MACROD2: variants seen among roughly 807,000 people sequenced by gnomAD.
MACROD2 encodes ADP-ribose glycohydrolase MACROD2.
A neutral mutation model predicts 70.4 loss-of-function variants in MACROD2; 36 were observed. That is an observed-to-expected ratio of 0.51 (90% CI 0.39 to 0.68). The LOEUF (loss-of-function observed/expected upper bound fraction) is 0.68, where lower values mean the gene tolerates loss of function less well. MACROD2 is among the 30% of genes least tolerant of loss of function. The pLI is 0.00. For synonymous variants in MACROD2, 172 were observed against 178.8 expected (o/e 0.96, Z 0.30); for missense variants, 496 against 538.4 (o/e 0.92, Z 0.78).
At chr20:15,665,292 C>G (rs2049881496) in intron 8 of MACROD2, among the ~76,000 whole-genome samples, 1 of 152,158 alleles carries the variant, frequency 6.6e-6, no homozygotes, top group Admixed American at 6.5e-5. Flanking sequence ...GTTTTAAAAG[C>G]CTCATCACTA....
intron 4 of MACROD2, among the ~76,000 whole-genome samples, chr20:14,636,813 AAAATAGC>A (rs1302001706): frequency 2.6e-5 from 4 of 151,346 alleles, no homozygotes; most frequent in African/African-American, 9.8e-5. Flanking sequence ...TAGAAAAAAT[AAAATAGC>A]TCCTGCTCTA....
chr20:15,260,368 A>G lies in MACROD2; in HGVS notation c.540+30307A>G, dbSNP rs560150160. On this transcript the variant is annotated intron_variant, in intron 6 of 17. Coordinates refer to ENST00000684519, the MANE Select transcript of MACROD2 (RefSeq NM_001351661.2). The stretch of plus-strand genomic sequence containing the variant: ...ATTTTTTTTTTTTTAGCTCCCACAT[A>G]TAAGTGAGACCATGCAATGTTTTTC... 6.0e-3 allele frequency among the ~76,000 whole-genome samples: 898 copies of G among 150,114 alleles called. 11 individuals carry two copies. Among genetic ancestry groups the G allele is most frequent in the African/African-American group, 0.021 (852 of 40,770 alleles).
chr20:15,724,134 A>G (rs59000635), intron 8 of MACROD2, among the ~76,000 whole-genome samples: 4,748 of 152,242 alleles, frequency 0.031, 255 homozygotes, highest in African/African-American at 0.11. Context: ...TTTTATTATT[A>G]TTGAGTTTCA....
rs532100165 is a variant in MACROD2 at position 15,802,257 on chromosome 20, T to A, written c.646-60488T>A. On this transcript the variant is annotated intron_variant, in intron 8 of 17. Coordinates refer to ENST00000684519, the MANE Select transcript of MACROD2 (RefSeq NM_001351661.2). Reference sequence around the variant, plus strand: ...CTATGTTGAATCAGAGTGGTGAAAGTCATCTTCCTATTGTTCTAGTTATTT... The same window carrying A: ...CTATGTTGAATCAGAGTGGTGAAAGACATCTTCCTATTGTTCTAGTTATTT... 1.6e-4 allele frequency among the ~76,000 whole-genome samples: 24 copies of A among 152,282 alleles called. No individual in the cohort carries two copies. The South Asian group carries it at 3.1e-3, about 20-fold the overall frequency.
intron 3 of MACROD2, among the ~76,000 whole-genome samples, chr20:14,480,384 T>C (rs999199900): frequency 4.6e-5 from 7 of 152,218 alleles, no homozygotes; most frequent in Admixed American, 1.3e-4. Context: ...ATACTTCTTT[T>C]GGTAGACACC....
intron 8 of MACROD2, among the ~76,000 whole-genome samples, chr20:15,551,337 T>TA (rs149415845): frequency 0.033 from 4,687 of 143,356 alleles, 220 homozygotes; most frequent in African/African-American, 0.1. Context: ...ATTTAATATT[T>TA]AAAAAAAAAA....
chr20:14,545,319 A>T (rs2085479972), intron 4 of MACROD2, among the ~76,000 whole-genome samples: 1 of 152,018 alleles, frequency 6.6e-6, no homozygotes, highest in South Asian at 2.1e-4. Flanking sequence ...TGGATCTGGG[A>T]GTCCAGTTTT....
chr20:15,536,186 T>C (rs2146556936), intron 8 of MACROD2, among the ~76,000 whole-genome samples: 1 of 152,296 alleles, frequency 6.6e-6, no homozygotes, highest in African/African-American at 2.4e-5. Context: ...ATTAATATAT[T>C]TGCCCAAGAC....
chr20:14,541,927 G>C (rs928523674), intron 4 of MACROD2, among the ~76,000 whole-genome samples: 1 of 152,086 alleles, frequency 6.6e-6, no homozygotes, highest in African/African-American at 2.4e-5. Flanking sequence ...GTCATCAAAT[G>C]GCATGAAACT....
chr20:14,209,048 TTGAG>T (rs1234636026), intron 3 of MACROD2, among the ~76,000 whole-genome samples: 1 of 152,214 alleles, frequency 6.6e-6, no homozygotes, highest in African/African-American at 2.4e-5. Flanking sequence ...TCTGGAGGAA[TTGAG>T]TAAGGATTAT....
intron 3 of MACROD2, among the ~76,000 whole-genome samples, chr20:14,434,564 T>A (rs929537536): frequency 4.6e-5 from 7 of 152,186 alleles, no homozygotes; most frequent in Non-Finnish European, 1.0e-4. Flanking sequence ...AAGGATGATG[T>A]CAGTCTTGTT....
chr20:15,733,271 C>G (rs2146953521), intron 8 of MACROD2, among the ~76,000 whole-genome samples: 1 of 152,128 alleles, frequency 6.6e-6, no homozygotes, highest in South Asian at 2.1e-4. Context: ...AAAGGCTTAT[C>G]ACTTTTGTTG....
intron 4 of MACROD2, among the ~76,000 whole-genome samples, chr20:14,631,575 C>T (rs1337407312): frequency 6.6e-6 from 1 of 152,116 alleles, no homozygotes; most frequent in Non-Finnish European, 1.5e-5. Context: ...TTGAGACCAT[C>T]CTGGCTAACA....
chr20:14,661,186 G>A (rs147141913), intron 4 of MACROD2, among the ~76,000 whole-genome samples: 1 of 151,872 alleles, frequency 6.6e-6, no homozygotes, highest in East Asian at 1.9e-4. Context: ...TAAGTGTTCT[G>A]TTTTCTCTGC....
At chr20:15,299,589 GTTTAAAGTTGTCTGGACAAAGATT>G (rs2077622929) in intron 6 of MACROD2, among the ~76,000 whole-genome samples, 1 of 152,168 alleles carries the variant, frequency 6.6e-6, no homozygotes, top group Non-Finnish European at 1.5e-5. Flanking sequence ...TATGCATTTT[GTTTAAAGTTGTCTGGACAAAGATT>G]TATGCTTCTG....
intron 5 of MACROD2, among the ~76,000 whole-genome samples, chr20:15,131,396 A>C (rs1295870057): frequency 6.6e-6 from 1 of 152,130 alleles, no homozygotes; most frequent in Non-Finnish European, 1.5e-5. Context: ...TATAAAGATG[A>C]AATTTTTCAG....
At chr20:16,016,794 C>A (rs2066935896) in intron 15 of MACROD2, among the ~76,000 whole-genome samples, 1 of 152,188 alleles carries the variant, frequency 6.6e-6, no homozygotes, top group Non-Finnish European at 1.5e-5. Context: ...TCCTCATCTG[C>A]AATTCTTAGT....
rs1355943356 is a variant in MACROD2 at position 15,384,656 on chromosome 20, G to A, written c.541-46749G>A. Among the ~76,000 whole-genome samples, 3 of 152,038 alleles carry A rather than the reference G, an allele frequency of 2.0e-5. No homozygotes were observed. In the East Asian group the frequency reaches 5.8e-4, roughly 29 times the overall value. ...TATGCCGGGTGTTATATTAACGGCT[G>A]GGTCAGGGCACATACTTATGAAAAT... On this transcript the variant is annotated intron_variant, in intron 6 of 17. Coordinates refer to ENST00000684519, the MANE Select transcript of MACROD2 (RefSeq NM_001351661.2).
chr20:14,548,534 C>T lies in MACROD2; in HGVS notation c.301+55026C>T, dbSNP rs1455501062. 1.2e-3 allele frequency among the ~76,000 whole-genome samples: 26 copies of T among 20,944 alleles called. 8 individuals carry two copies. The highest frequency in any genetic ancestry group is 2.7e-3 in the Non-Finnish European group (22 of 8,238). The allele number at this position is 20,944 out of a possible 152,430, so 13.7% of individuals were successfully genotyped here. ...GAGATCGAGACCATCCCGGCTAAAA[C>T]GGTGAAACCCCGTCTCTACTAAAAA... On this transcript the variant is annotated intron_variant, in intron 4 of 17. Transcript: ENST00000684519.
Sources: gnomAD v4.1 joint callset for allele counts (sites outside exome capture counted in the v4.1 genomes callset) on GRCh38, gnomAD v4.1.1 for gene constraint, MANE v1.5 for transcripts, NCBI Gene and HGNC (gene_info 2026-07-23, HGNC 2026-07-21) for gene names.